Variants in FXYD7 observed in about 807,000 individuals in gnomAD.
The protein encoded by FXYD7 is FXYD domain containing ion transport regulator 7.
A neutral mutation model predicts 15.3 loss-of-function variants in FXYD7; 7 were observed. That is an observed-to-expected ratio of 0.46 (90% confidence interval 0.26 to 0.86). FXYD7 has a LOEUF of 0.86. FXYD7 is among the 40% of genes least tolerant of loss of function. The pLI is 0.16. For synonymous variants in FXYD7, 39 were observed against 39.3 expected, an observed-to-expected ratio of 0.99 and a Z score of 0.03; for missense variants, 78 against 100.6, an observed-to-expected ratio of 0.78 and a Z score of 0.96.
rs376915036 is a variant in FXYD7 at position 35,152,974 on chromosome 19, G to A, written c.221-920G>A. 2.1e-3 allele frequency among the ~76,000 whole-genome samples: 301 copies of A among 142,658 alleles called. 4 individuals carry two copies. The South Asian group carries it at 0.028, about 13-fold the overall frequency. 93.6% of individuals were successfully genotyped at this position (142,658 alleles called of 152,430 possible). ...AAAAAAAAAAAAAAAAAATGCGGGA[G>A]GGGGACACGGGTTATTCAATGGTTG... On this transcript the variant is annotated intron_variant, in intron 5 of 5. Transcript: ENST00000270310.
chr19:35,154,096 T>G lies in FXYD7; in HGVS notation c.*180T>G. 1 of 573,704 alleles carries G rather than the reference T, an allele frequency of 1.7e-6. No homozygotes were observed. The highest frequency in any genetic ancestry group is 3.0e-6 in the Non-Finnish European group (1 of 330,034). The allele number at this position is 573,704 out of a possible 1,614,324, so 35.5% of individuals were successfully genotyped here. ...CCTCTCCAGGCCTTGGCAATGACGA[T>G]CCCCCAAAGAGCCCGTCTGCACCCC... On this transcript the variant is annotated 3_prime_UTR_variant, in exon 6 of 6. Transcript: ENST00000270310.
chr19:35,143,945 G>T lies in FXYD7; in HGVS notation c.31+581G>T, dbSNP rs2065279151. ...AAGAGACAGAGACCAAGAGAGGCAG[G>T]AGATCCAGAGTCACAGATACAAAGA... is the stretch of plus-strand genomic sequence containing the variant. On this transcript the variant is annotated intron_variant, in intron 1 of 5. Transcript: ENST00000270310. The surrounding 1 kb of genome is among the most constrained non-coding windows in gnomAD (Gnocchi z 4.3). Among the ~76,000 whole-genome samples, 1 of 152,150 alleles carries T rather than the reference G, an allele frequency of 6.6e-6. No homozygotes were observed. The highest frequency in any genetic ancestry group is 6.5e-5 in the Admixed American group (1 of 15,280).
intron 1 of FXYD7, among the ~76,000 whole-genome samples, chr19:35,146,880 C>T (rs1032084177): frequency 6.6e-6 from 1 of 152,114 alleles, no homozygotes; most frequent in Non-Finnish European, 1.5e-5. Flanking sequence ...TTGTGTGAAC[C>T]GTGGTCTTGC....
intron 1 of FXYD7, among the ~76,000 whole-genome samples, chr19:35,144,990 A>T (rs1333153014): frequency 2.0e-5 from 3 of 152,016 alleles, no homozygotes; most frequent in Non-Finnish European, 2.9e-5. Context: ...AACAGGAGGG[A>T]GAGTTAGGAG....
rs2065277170 is a variant in FXYD7 at position 35,143,516 on chromosome 19, C to A, written c.31+152C>A. ...TGGGCGGAAGCCCCTGTAATGCGCC[C>A]CCCCGATCGCCCCTCCGGGTCTCTG... On this transcript the variant is annotated intron_variant, in intron 1 of 5. Transcript: ENST00000270310. The surrounding 1 kb of genome is among the most constrained non-coding windows in gnomAD (Gnocchi z 4.3). 2 of 601,806 alleles carry A rather than the reference C, an allele frequency of 3.3e-6. No individual in the cohort carries two copies. Among genetic ancestry groups the A allele is most frequent in the Admixed American group, 4.1e-5 (1 of 24,304 alleles). The allele number at this position is 601,806 out of a possible 1,614,324, so 37.3% of individuals were successfully genotyped here.
chr19:35,151,344 T>C lies in FXYD7; in HGVS notation c.136+16T>C. 1 of 1,598,092 alleles carries C rather than the reference T, an allele frequency of 6.3e-7. No individual in the cohort carries two copies. Among genetic ancestry groups the C allele is most frequent in the Non-Finnish European group, 8.6e-7 (1 of 1,165,336 alleles). On this transcript the variant is annotated intron_variant, in intron 3 of 5. Transcript: ENST00000270310. ...ATCGTCATCAGTAAGTGCGACCCAT[T>C]CCTGGGCTGCCTCAGCCTCCGCTTC... is the stretch of plus-strand genomic sequence containing the variant.
Position 35,143,307 on chromosome 19 carries a change from T to A in FXYD7, c.-27T>A. 2 of 1,534,682 alleles carry A rather than the reference T, an allele frequency of 1.3e-6. No individual in the cohort carries two copies. Among genetic ancestry groups the A allele is most frequent in the Non-Finnish European group, 1.8e-6 (2 of 1,139,776 alleles). Reference sequence around the variant, plus strand: ...GCAGCGCGCCTTCGCCGCCAAAGCATCCAGCAGCCCCCTGCTCCGGCCCAG... The same window carrying A: ...GCAGCGCGCCTTCGCCGCCAAAGCAACCAGCAGCCCCCTGCTCCGGCCCAG... On this transcript the variant is annotated 5_prime_UTR_variant, in exon 1 of 6. Transcript: ENST00000270310. The surrounding 1 kb of genome is among the most constrained non-coding windows in gnomAD (Gnocchi z 4.3).
At chr19:35,151,530 C>T (rs1347017493) in intron 4 of FXYD7, 48 bp downstream of exon 4, 4 of 1,604,482 alleles carry the variant, frequency 2.5e-6, no homozygotes, top group Non-Finnish European at 3.4e-6. Context: ...GGGGTGCCTC[C>T]CTAGCAGATG....
intron 1 of FXYD7, among the ~76,000 whole-genome samples, chr19:35,146,384 A>G (rs2065289103): frequency 6.6e-6 from 1 of 152,154 alleles, no homozygotes; most frequent in African/African-American, 2.4e-5. Context: ...TGATCCGCCC[A>G]CCTTGTATTC....
At chr19:35,146,496 G>T (rs2065289396) in intron 1 of FXYD7, among the ~76,000 whole-genome samples, 2 of 152,174 alleles carry the variant, frequency 1.3e-5, no homozygotes, top group African/African-American at 4.8e-5. Context: ...TCTGAAGCAG[G>T]TGATTTCGCT....
intron 2 of FXYD7, chr19:35,149,590 A>G (rs1268330392): frequency 6.4e-6 from 1 of 156,504 alleles, no homozygotes; most frequent in African/African-American, 2.4e-5. Context: ...ACTGGTACAG[A>G]GTGAGTGCTC....
In FXYD7 at chr19:35,143,381, GA is replaced by G; in HGVS notation, c.31+18del. The G allele has an allele frequency of 6.6e-7, 1 of 1,506,864 alleles. No individual in the cohort carries two copies. The allele number at this position is 1,506,864 out of a possible 1,614,324, so 93.3% of individuals were successfully genotyped here. A position where few individuals can be genotyped will look rare whatever the true frequency, so the allele number is the denominator to read the frequency against. On this transcript the variant is annotated intron_variant, in intron 1 of 5. Coordinates refer to ENST00000270310, the MANE Select transcript of FXYD7 (RefSeq NM_022006.2). This position sits in a 1 kb window ranked among gnomAD's most constrained non-coding sequence, Gnocchi z 4.3. ...CCACAAAGGGTGAGCGTCGTTTGGGGAGGGGGTTGCAGGGGGGCTCCGGGAT... is the reference window on the plus strand; with the variant it reads ...CCACAAAGGGTGAGCGTCGTTTGGGGGGGGGTTGCAGGGGGGCTCCGGGAT...
chr19:35,144,326 C>T (rs2065280753), intron 1 of FXYD7, among the ~76,000 whole-genome samples: 1 of 152,158 alleles, frequency 6.6e-6, no homozygotes, highest in African/African-American at 2.4e-5. Flanking sequence ...CTGCCCCCAT[C>T]CAGCCACACA....
chr19:35,149,368 C>T (rs2065301722), intron 2 of FXYD7: 1 of 293,998 alleles, frequency 3.4e-6, no homozygotes, highest in Admixed American at 4.2e-5. Context: ...AATGCTTCTC[C>T]TTTGTACACG....
At position 35,143,731 on chromosome 19, in the gene FXYD7, G is replaced by A. The variant is rs1390578967; in HGVS notation, c.31+367G>A. 6.6e-6 allele frequency among the ~76,000 whole-genome samples: 1 copy of A among 152,206 alleles called. No individual in the cohort carries two copies. The highest frequency in any genetic ancestry group is 1.5e-5 in the Non-Finnish European group (1 of 68,036). ...TGGGTCTGCGACCAGAGACGTTCTG[G>A]AAGATTTCAGGGTCCCTGGGGTGGG... On this transcript the variant is annotated intron_variant, in intron 1 of 5. Transcript: ENST00000270310. The surrounding 1 kb of genome is among the most constrained non-coding windows in gnomAD (Gnocchi z 4.3).
In FXYD7 at chr19:35,143,447, A is replaced by G; in HGVS notation, c.31+83A>G. On this transcript the variant is annotated intron_variant, in intron 1 of 5. Coordinates refer to ENST00000270310, the MANE Select transcript of FXYD7 (RefSeq NM_022006.2). This position sits in a 1 kb window ranked among gnomAD's most constrained non-coding sequence, Gnocchi z 4.3. Reference sequence around the variant, plus strand: ...GAGAGGGTGTCGGGAGATTCAAGCAATGGTAAGGCAAGGGAGTTGGGGGAG... The same window carrying G: ...GAGAGGGTGTCGGGAGATTCAAGCAGTGGTAAGGCAAGGGAGTTGGGGGAG... 4 of 1,098,770 alleles carry G rather than the reference A, an allele frequency of 3.6e-6. No individual in the cohort carries two copies. Among genetic ancestry groups the G allele is most frequent in the Non-Finnish European group, 5.0e-6 (4 of 798,156 alleles). The allele number at this position is 1,098,770 out of a possible 1,614,324, so 68.1% of individuals were successfully genotyped here. A position where few individuals can be genotyped will look rare whatever the true frequency, so the allele number is the denominator to read the frequency against.
chr19:35,149,781 A>G (rs1014441796), intron 2 of FXYD7: 1 of 152,206 alleles, frequency 6.6e-6, no homozygotes, highest in Non-Finnish European at 1.5e-5. Context: ...AAAACAAAAT[A>G]TGAAAATTAT....
Position 35,153,044 on chromosome 19 carries a change from T to G in FXYD7, c.221-850T>G, listed in dbSNP as rs1247241821. On this transcript the variant is annotated intron_variant, in intron 5 of 5. Transcript: ENST00000270310. ...TTTGTTTCACGTTCCTTTTTTTTTT[T>G]TTTTTTTTTTTTTTTTTTGAGACAG... Among the ~76,000 whole-genome samples the G allele has an allele frequency of 2.5e-5, 3 of 119,566 alleles. 1 individual carries two copies. The highest frequency in any genetic ancestry group is 8.3e-5 in the Admixed American group (1 of 12,076). The allele number at this position is 119,566 out of a possible 152,430, so 78.4% of individuals were successfully genotyped here. A position where few individuals can be genotyped will look rare whatever the true frequency, so the allele number is the denominator to read the frequency against.
chr19:35,143,456 C>A lies in FXYD7; in HGVS notation c.31+92C>A. Reference sequence around the variant, plus strand: ...TCGGGAGATTCAAGCAATGGTAAGGCAAGGGAGTTGGGGGAGGGAGGTCCG... The same window carrying A: ...TCGGGAGATTCAAGCAATGGTAAGGAAAGGGAGTTGGGGGAGGGAGGTCCG... On this transcript the variant is annotated intron_variant, in intron 1 of 5. Coordinates refer to ENST00000270310, the MANE Select transcript of FXYD7 (RefSeq NM_022006.2). The surrounding 1 kb of genome is among the most constrained non-coding windows in gnomAD (Gnocchi z 4.3). 1.9e-6 allele frequency: 2 copies of A among 1,027,190 alleles called. No homozygotes were observed. Among genetic ancestry groups the A allele is most frequent in the South Asian group, 3.6e-5 (2 of 55,828 alleles). The allele number at this position is 1,027,190 out of a possible 1,614,324, so 63.6% of individuals were successfully genotyped here. A position where few individuals can be genotyped will look rare whatever the true frequency, so the allele number is the denominator to read the frequency against.
Sources: gnomAD v4.1 joint callset for allele counts (sites outside exome capture counted in the v4.1 genomes callset) on GRCh38, gnomAD v4.1.1 for gene constraint, Gnocchi (gnomAD v3.1) non-coding constraint, MANE v1.5 for transcripts, NCBI Gene and HGNC (gene_info 2026-07-23, HGNC 2026-07-21) for gene names.